The following ARHGAP29 variants were observed in gnomAD, a reference collection of about 807,000 sequenced individuals.
ARHGAP29 encodes Rho GTPase activating protein 29.
Under a neutral mutation model 122.6 loss-of-function variants are expected in ARHGAP29, and 43 were observed. That is an observed-to-expected ratio of 0.35 (90% CI 0.27 to 0.45). The LOEUF (loss-of-function observed/expected upper bound fraction) is 0.45, where lower values mean the gene tolerates loss of function less well. Among genes scored for constraint, ARHGAP29 ranks in the 20% least tolerant of loss-of-function variants. The pLI is 1.00. For missense variants in ARHGAP29, 1,303 were observed against 1,477.2 expected (o/e 0.88, Z 1.93); for synonymous variants, 506 against 497.1 (o/e 1.02, Z -0.24).
intron 1 of ARHGAP29, among the ~76,000 whole-genome samples, chr1:94,264,330 G>GTT (rs1654675950): frequency 6.6e-6 from 1 of 151,994 alleles, no homozygotes; most frequent in South Asian, 2.1e-4. Context: ...ATTGTTCATG[G>GTT]TTGGTGCTCA....
At chr1:94,307,288 T>C in the ARHGAP29 span, among the ~76,000 whole-genome samples, 2 of 152,222 alleles carry the variant, frequency 1.3e-5, no homozygotes, top group African/African-American at 2.4e-5. Context: ...GACAATCTGA[T>C]GGACTAGCTC....
chr1:94,186,945 C>T (rs1415047585), intron 15 of ARHGAP29, among the ~76,000 whole-genome samples: 1 of 152,162 alleles, frequency 6.6e-6, no homozygotes, highest in Admixed American at 6.5e-5. Flanking sequence ...GACAGAGTAG[C>T]TGGCACAACA....
rs1310915916 is a variant in ARHGAP29, at chr1:94,180,029, TAC to T, written c.2248-74_2248-73del. The T allele has an allele frequency of 1.3e-5, 13 of 1,013,926 alleles. No homozygotes were observed. In the African/African-American group the frequency reaches 1.9e-4, roughly 15 times the overall value. The allele number at this position is 1,013,926 out of a possible 1,614,324, so 62.8% of individuals were successfully genotyped here. A position where few individuals can be genotyped will look rare whatever the true frequency, so the allele number is the denominator to read the frequency against. ...TTAATAATCAACTATTACTAACAGT[TAC>T]AGAGTGATTTAGCATGTCCCTTTAC... On this transcript the variant is annotated intron_variant, in intron 19 of 22. Transcript: ENST00000260526.
At chr1:94,202,197 C>G (rs1650891404) in intron 11 of ARHGAP29, 1 of 473,264 alleles carries the variant, frequency 2.1e-6, no homozygotes, top group East Asian at 3.4e-5. Flanking sequence ...TCCTTGCTAT[C>G]AGGTGCCTGA....
At chr1:94,301,982 C>A in the ARHGAP29 span, 1 of 166,828 alleles carries the variant, frequency 6.0e-6, no homozygotes, top group East Asian at 1.6e-4. Flanking sequence ...CTCAGCTCCT[C>A]CCATCAACAG....
intron 1 of ARHGAP29, among the ~76,000 whole-genome samples, chr1:94,249,961 G>T (rs1383143329): frequency 6.6e-6 from 1 of 151,610 alleles, no homozygotes; most frequent in Non-Finnish European, 1.5e-5. Flanking sequence ...GATGTTGAGG[G>T]CATGAATGGT....
chr1:94,252,723 A>AG (rs1289333122), intron 1 of ARHGAP29, among the ~76,000 whole-genome samples: 1 of 152,014 alleles, frequency 6.6e-6, no homozygotes, highest in Non-Finnish European at 1.5e-5. Context: ...TAATGAAAAA[A>AG]AAAAAGAATC....
chr1:94,212,082 C>T (rs1651657325), intron 3 of ARHGAP29, among the ~76,000 whole-genome samples: 1 of 152,088 alleles, frequency 6.6e-6, no homozygotes, highest in Admixed American at 6.5e-5. Flanking sequence ...AGTTTGAGAC[C>T]AGCCTGGCCA....
At chr1:94,221,611 ATACT>A (rs1268422334) in intron 2 of ARHGAP29, among the ~76,000 whole-genome samples, 5 of 150,736 alleles carry the variant, frequency 3.3e-5, no homozygotes, top group South Asian at 2.1e-4. Context: ...ATTTGTGTAT[ATACT>A]TAAATATATA....
At position 94,173,527 on chromosome 1, in the gene ARHGAP29, C is replaced by T. The variant is rs1648883319; in HGVS notation, c.*342G>A. ...AAATAAACCTGATTTTCCCAAATTG[C>T]ACCTATTAGTTGAGACTATATCATA... On this transcript the variant is annotated 3_prime_UTR_variant, in exon 23 of 23. Coordinates refer to ENST00000260526, the MANE Select transcript of ARHGAP29 (RefSeq NM_004815.4). 1 of 180,146 alleles carries T rather than the reference C, an allele frequency of 5.6e-6. No homozygotes were observed. Among genetic ancestry groups the T allele is most frequent in the Non-Finnish European group, 1.2e-5 (1 of 84,498 alleles). The allele number at this position is 180,146 out of a possible 1,614,324, so 11.2% of individuals were successfully genotyped here.
At chr1:94,305,978 C>T in the ARHGAP29 span, among the ~76,000 whole-genome samples, 1 of 152,202 alleles carries the variant, frequency 6.6e-6, no homozygotes, top group African/African-American at 2.4e-5. Context: ...TACACTGGAA[C>T]AACAACTCAT....
intron 2 of ARHGAP29, among the ~76,000 whole-genome samples, chr1:94,222,871 T>C (rs1319449938): frequency 6.6e-6 from 1 of 152,218 alleles, no homozygotes. Flanking sequence ...AATAAAAGTC[T>C]ATTTTTAAAA....
At chr1:94,224,628 T>G (rs1374152378) in intron 2 of ARHGAP29, among the ~76,000 whole-genome samples, 5 of 152,294 alleles carry the variant, frequency 3.3e-5, no homozygotes, top group African/African-American at 1.2e-4. Context: ...AAAAACTCTT[T>G]GGAGTCCTCA....
intron 3 of ARHGAP29, among the ~76,000 whole-genome samples, chr1:94,215,104 G>GAAAAA (rs199693229): frequency 1.2e-5 from 1 of 83,654 alleles, no homozygotes; most frequent in African/African-American, 3.8e-5. Context: ...GCATGAAAAG[G>GAAAAA]AAAAAAAAAA....
At chr1:94,302,120 T>TG in the ARHGAP29 span, 1 of 278,236 alleles carries the variant, frequency 3.6e-6, no homozygotes. Context: ...TCTGGCAAAG[T>TG]GGATATCATC....
chr1:94,197,351 C>A (rs1236275659), intron 12 of ARHGAP29, among the ~76,000 whole-genome samples: 1 of 152,056 alleles, frequency 6.6e-6, no homozygotes, highest in Non-Finnish European at 1.5e-5. Flanking sequence ...TATCAAAATA[C>A]ACTGAATACG....
intron 1 of ARHGAP29, among the ~76,000 whole-genome samples, chr1:94,245,279 T>C (rs1203678785): frequency 6.6e-6 from 1 of 152,164 alleles, no homozygotes; most frequent in Non-Finnish European, 1.5e-5. Context: ...ACCCCTAAAC[T>C]TGTATACAAA....
At chr1:94,242,203 G>A (rs1570595402), upstream of ARHGAP29, among the ~76,000 whole-genome samples, 2 of 152,178 alleles carry the variant, frequency 1.3e-5, no homozygotes, top group South Asian at 4.2e-4. Flanking sequence ...GTTTCCCACA[G>A]GGCTGGAAGA....
chr1:94,268,002 C>A (rs1407380023), intron 1 of ARHGAP29, among the ~76,000 whole-genome samples: 6 of 151,832 alleles, frequency 4.0e-5, no homozygotes, highest in Non-Finnish European at 8.8e-5. Context: ...TACTTTTTTC[C>A]CCTTTCTGTA....
Sources: allele counts gnomAD v4.1 joint callset (sites outside exome capture counted in the v4.1 genomes callset), GRCh38; gene constraint gnomAD v4.1.1; transcripts MANE v1.5; gene names NCBI Gene and HGNC (gene_info 2026-07-23, HGNC 2026-07-21).